AGBL4: variants seen among roughly 807,000 people sequenced by gnomAD.
The protein encoded by AGBL4 is AGBL carboxypeptidase 4, also known as cytosolic carboxypeptidase 6.
In AGBL4, 58 loss-of-function variants were observed where a neutral mutation model predicts 66.4. The observed-to-expected ratio is 0.87, with a 90% CI of 0.71 to 1.09. The LOEUF is 1.09. Among genes scored for constraint, AGBL4 ranks in the 50% least tolerant of loss-of-function variants. The pLI, the probability that AGBL4 is intolerant of heterozygous loss-of-function variation, is 0.00. For synonymous variants in AGBL4, 234 were observed against 222.9 expected, an observed-to-expected ratio of 1.05 and a Z score of -0.44; for missense variants, 579 against 631.0, an observed-to-expected ratio of 0.92 and a Z score of 0.88.
chr1:48,863,052 T>C lies in AGBL4; in HGVS notation c.634+4139A>G, dbSNP rs150124981. Reference sequence around the variant, plus strand: ...TCATAAACTATGTAGGAAAAGTCAATGAGCTAATAATAATAATACATTGTT... The same window carrying C: ...TCATAAACTATGTAGGAAAAGTCAACGAGCTAATAATAATAATACATTGTT... On this transcript the variant is annotated intron_variant, in intron 6 of 13. Transcript: ENST00000371839. Among the ~76,000 whole-genome samples the C allele has an allele frequency of 4.9e-4, 74 of 152,280 alleles. 1 individual carries two copies. The South Asian group carries it at 9.7e-3, about 20-fold the overall frequency.
rs557137805 is a variant in AGBL4 at position 48,803,030 on chromosome 1, G to C, written c.634+64161C>G. 7.2e-5 allele frequency among the ~76,000 whole-genome samples: 11 copies of C among 152,324 alleles called. No homozygotes were observed. The East Asian group carries it at 1.9e-3, about 27-fold the overall frequency. On this transcript the variant is annotated intron_variant, in intron 6 of 13. Coordinates refer to ENST00000371839, the MANE Select transcript of AGBL4 (RefSeq NM_032785.4). ...GGACTATAGGTCCTTGAGTATCTGA[G>C]AGAAAAGAGCCGGCTAATGTGAGCT... is the stretch of plus-strand genomic sequence containing the variant.
At chr1:48,556,857 C>A (rs549706901) in intron 11 of AGBL4, among the ~76,000 whole-genome samples, 1 of 152,246 alleles carries the variant, frequency 6.6e-6, no homozygotes, top group Non-Finnish European at 1.5e-5. Context: ...GGCACGATCT[C>A]GGCTCACTGC....
At chr1:48,686,989 G>A (rs1450611282) in intron 6 of AGBL4, among the ~76,000 whole-genome samples, 1 of 150,594 alleles carries the variant, frequency 6.6e-6, no homozygotes, top group African/African-American at 2.4e-5. Flanking sequence ...TAGCTGTCTG[G>A]TCAGTACCAG....
At chr1:49,928,587 G>A (rs1557588580) in intron 1 of AGBL4, among the ~76,000 whole-genome samples, 1 of 152,050 alleles carries the variant, frequency 6.6e-6, no homozygotes, top group Non-Finnish European at 1.5e-5. Flanking sequence ...GAAGAGGAAG[G>A]ATAGAGAAAA....
chr1:48,650,186 T>C (rs1335082707), intron 8 of AGBL4, among the ~76,000 whole-genome samples: 1 of 152,188 alleles, frequency 6.6e-6, no homozygotes, highest in African/African-American at 2.4e-5. Context: ...AGTGTGGGAC[T>C]GCAGAGAGGA....
intron 3 of AGBL4, among the ~76,000 whole-genome samples, chr1:49,263,031 C>A (rs1402394757): frequency 6.6e-6 from 1 of 152,072 alleles, no homozygotes; most frequent in Non-Finnish European, 1.5e-5. Flanking sequence ...TAGAAATCAT[C>A]ATTCTCAGTA....
intron 3 of AGBL4, among the ~76,000 whole-genome samples, chr1:49,642,239 GA>G (rs1433782350): frequency 1.3e-5 from 2 of 151,950 alleles, no homozygotes; most frequent in African/African-American, 4.8e-5. Context: ...CTTCCTGCAT[GA>G]AACAAATTTT....
In AGBL4 at chr1:49,041,220, T is replaced by C. The variant is rs1416613873; in HGVS notation, c.594+4364A>G. ...GCATGTTTAGCCTTCCCACTTGTAA[T>C]TATCCTCCCTTCGAATTGGAATAAG... On this transcript the variant is annotated intron_variant, in intron 5 of 13. Coordinates refer to ENST00000371839, the MANE Select transcript of AGBL4 (RefSeq NM_032785.4). 3.9e-5 allele frequency among the ~76,000 whole-genome samples: 6 copies of C among 152,238 alleles called. No homozygotes were observed. In the East Asian group the frequency reaches 1.2e-3, roughly 29 times the overall value.
intron 5 of AGBL4, among the ~76,000 whole-genome samples, chr1:48,903,328 G>A (rs1193997943): frequency 6.6e-6 from 1 of 152,204 alleles, no homozygotes; most frequent in Non-Finnish European, 1.5e-5. Context: ...CAGAGTCGGT[G>A]CCTGAGGGAT....
chr1:49,979,395 A>G (rs1429306095), intron 1 of AGBL4, among the ~76,000 whole-genome samples: 15 of 151,146 alleles, frequency 9.9e-5, no homozygotes, highest in African/African-American at 3.2e-4. Flanking sequence ...CGGGAAGCGG[A>G]GCTTGCAGTG....
intron 4 of AGBL4, among the ~76,000 whole-genome samples, chr1:49,138,637 T>C (rs1646060168): frequency 6.6e-6 from 1 of 152,218 alleles, no homozygotes; most frequent in South Asian, 2.1e-4. Context: ...GCCAAACTTA[T>C]ATCTCTGGTT....
chr1:49,660,857 A>G (rs900972507), intron 3 of AGBL4, among the ~76,000 whole-genome samples: 4 of 152,134 alleles, frequency 2.6e-5, no homozygotes, highest in African/African-American at 9.7e-5. Context: ...AGGAACAGAA[A>G]AACAAATACC....
intron 1 of AGBL4, among the ~76,000 whole-genome samples, chr1:49,891,127 G>A (rs1648603003): frequency 6.6e-6 from 1 of 151,880 alleles, no homozygotes; most frequent in South Asian, 2.1e-4. Context: ...AAGCATCAGA[G>A]GTAGAAGAAA....
chr1:49,610,647 G>A (rs755189162), intron 3 of AGBL4, among the ~76,000 whole-genome samples: 2 of 152,158 alleles, frequency 1.3e-5, no homozygotes, highest in Non-Finnish European at 2.9e-5. Flanking sequence ...GAGCTATTTG[G>A]CCCTTCTCCC....
chr1:49,210,422 T>A (rs1390456304), intron 4 of AGBL4, among the ~76,000 whole-genome samples: 2 of 152,084 alleles, frequency 1.3e-5, no homozygotes, highest in South Asian at 2.1e-4. Flanking sequence ...ATTTTACGTA[T>A]CATATTTCCA....
chr1:48,532,283 C>G (rs750966674), downstream of AGBL4, among the ~76,000 whole-genome samples: 3 of 152,184 alleles, frequency 2.0e-5, no homozygotes, highest in Non-Finnish European at 4.4e-5. Context: ...GTAGATATTA[C>G]TATGACCATC....
At chr1:49,348,213 T>C (rs958906715) in intron 3 of AGBL4, among the ~76,000 whole-genome samples, 2 of 151,874 alleles carry the variant, frequency 1.3e-5, no homozygotes, top group African/African-American at 4.8e-5. Flanking sequence ...GGTGAGGAGA[T>C]TGAGACCATC....
At chr1:49,037,568 A>G (rs993426090) in intron 5 of AGBL4, among the ~76,000 whole-genome samples, 1 of 152,034 alleles carries the variant, frequency 6.6e-6, no homozygotes, top group African/African-American at 2.4e-5. Flanking sequence ...CTGTGCTTTT[A>G]TCACAAGGAG....
chr1:49,546,283 C>T (rs1475707264), intron 3 of AGBL4, among the ~76,000 whole-genome samples: 1 of 150,588 alleles, frequency 6.6e-6, no homozygotes, highest in Non-Finnish European at 1.5e-5. Context: ...ATATATATTC[C>T]ATCATATATA....
Sources: allele counts gnomAD v4.1 joint callset (sites outside exome capture counted in the v4.1 genomes callset), GRCh38; gene constraint gnomAD v4.1.1; transcripts MANE v1.5; gene names NCBI Gene and HGNC (gene_info 2026-07-23, HGNC 2026-07-21).